The following ATG14 variants were observed in gnomAD, a reference collection of about 807,000 sequenced individuals.
ATG14 encodes the protein beclin 1-associated autophagy-related key regulator.
A neutral mutation model predicts 60.4 loss-of-function variants in ATG14; 35 were observed. The ratio of observed to expected loss-of-function variants is 0.58; its 90% CI spans 0.44 to 0.77. ATG14 has a LOEUF of 0.77. Ranked by LOEUF, ATG14 falls within the 30% of genes least tolerant of loss-of-function variation. The probability of loss-of-function intolerance (pLI) is 0.00; values close to 1 mark genes in which losing one functional copy is unlikely to be tolerated. For missense variants in ATG14, 647 were observed against 626.3 expected (o/e 1.03, Z -0.35); for synonymous variants, 234 against 228.8 (o/e 1.02, Z -0.21).
intron 1 of ATG14, 94 bp from the exon 2 acceptor site, chr14:55,397,528 T>G (rs1449463769): frequency 1.0e-6 from 1 of 998,334 alleles, no homozygotes; most frequent in Non-Finnish European, 1.6e-6. Context: ...TTCTGCAGAG[T>G]CATGTGAAAA....
intron 5 of ATG14, among the ~76,000 whole-genome samples, chr14:55,385,240 A>G (rs1426494063): frequency 6.6e-6 from 1 of 152,186 alleles, no homozygotes; most frequent in Admixed American, 6.5e-5. Flanking sequence ...CATGCCTCAC[A>G]ACACACAACT....
At chr14:55,391,139 C>T (rs1010055048) in intron 3 of ATG14, 147 bp from the exon 4 acceptor site, 29 of 572,608 alleles carry the variant, frequency 5.1e-5, no homozygotes, top group Non-Finnish European at 6.6e-5. Context: ...AACTATGGAA[C>T]ATTACGAAAA....
chr14:55,367,806 T>C lies in ATG14; in HGVS notation c.*1813A>G, dbSNP rs1043586291. ...ACTTCCTCCTTTCATGGAAAATTCA[T>C]AGAGCCAAGGAATTTGTGACTACCG... On this transcript the variant is annotated 3_prime_UTR_variant, in exon 10 of 10. Transcript: ENST00000247178. 6.6e-6 allele frequency: 1 copy of C among 151,332 alleles called. No individual in the cohort carries two copies. The highest frequency in any genetic ancestry group is 1.9e-4 in the East Asian group (1 of 5,168). 9.4% of individuals were successfully genotyped at this position (151,332 alleles called of 1,614,324 possible). A position where few individuals can be genotyped will look rare whatever the true frequency, so the allele number is the denominator to read the frequency against.
chr14:55,401,625 C>T (rs1885401059), intron 1 of ATG14, among the ~76,000 whole-genome samples: 2 of 152,144 alleles, frequency 1.3e-5, no homozygotes, highest in Admixed American at 1.3e-4. Context: ...TTCATAAATT[C>T]TTCCATACTT....
At chr14:55,379,959 G>T (rs1184633120) in intron 7 of ATG14, among the ~76,000 whole-genome samples, 1 of 152,116 alleles carries the variant, frequency 6.6e-6, no homozygotes, top group Non-Finnish European at 1.5e-5. Flanking sequence ...CAAACAAAAA[G>T]AATTCAGGGC....
At chr14:55,404,787 C>T (rs546353633) in intron 1 of ATG14, among the ~76,000 whole-genome samples, 10 of 152,256 alleles carry the variant, frequency 6.6e-5, no homozygotes, top group African/African-American at 2.4e-4. Flanking sequence ...TACTGTTATA[C>T]ACACACATGC....
At chr14:55,383,793 C>G (rs567860500) in intron 5 of ATG14, among the ~76,000 whole-genome samples, 1 of 152,208 alleles carries the variant, frequency 6.6e-6, no homozygotes, top group South Asian at 2.1e-4. Context: ...CATGAGAAGT[C>G]ACAGCAGGTA....
intron 9 of ATG14, among the ~76,000 whole-genome samples, chr14:55,375,490 ATTTTTTTTTTTTT>A (rs779634897): frequency 8.5e-6 from 1 of 117,798 alleles, no homozygotes; most frequent in Non-Finnish European, 1.7e-5. Context: ...GCCGGGCTAA[ATTTTTTTTTTTTT>A]TTTTTTTTTT....
At chr14:55,382,935 C>A (rs1376369622) in intron 5 of ATG14, among the ~76,000 whole-genome samples, 1 of 152,200 alleles carries the variant, frequency 6.6e-6, no homozygotes, top group African/African-American at 2.4e-5. Flanking sequence ...ACCTATTATA[C>A]ATTTTTATGA....
intron 1 of ATG14, among the ~76,000 whole-genome samples, chr14:55,398,824 T>C (rs1245086185): frequency 6.6e-6 from 1 of 151,844 alleles, no homozygotes; most frequent in African/African-American, 2.4e-5. Context: ...GTGCCTAAGA[T>C]GTGGCTTGCT....
In ATG14 at chr14:55,380,655, C is replaced by A. The variant is rs1366533936; in HGVS notation, c.913G>T (p.Ala305Ser). The change falls in exon 7 of 10, where the codon GCT (alanine) becomes TCT (serine). Residue 305 changes from alanine (A) to serine (S), a missense_variant. By Grantham distance (99) the Ala-to-Ser change is moderately conservative. Coordinates refer to ENST00000247178, the MANE Select transcript of ATG14 (RefSeq NM_014924.5). ...EQSNPAYTIS[A>S]ALCYATQLVN... Reference sequence around the variant, plus strand: ...AGCTGAGTTGCATAGCACAGCGCAGCACTGATGGTGTAGGCAGGGTTACTC... The same window carrying A: ...AGCTGAGTTGCATAGCACAGCGCAGAACTGATGGTGTAGGCAGGGTTACTC... 1.9e-6 allele frequency: 3 copies of A among 1,612,174 alleles called. No homozygotes were observed. The highest frequency in any genetic ancestry group is 3.3e-5 in the Admixed American group (2 of 59,708).
intron 6 of ATG14, 79 bp from the exon 7 acceptor site, chr14:55,380,769 T>G: frequency 1.0e-6 from 1 of 967,172 alleles, no homozygotes; most frequent in South Asian, 1.6e-5. Flanking sequence ...TTATCATTTA[T>G]GATTTTATCA....
intron 6 of ATG14, among the ~76,000 whole-genome samples, chr14:55,381,145 A>G (rs966364825): frequency 6.6e-6 from 1 of 151,940 alleles, no homozygotes; most frequent in Non-Finnish European, 1.5e-5. Flanking sequence ...TCGATCATTT[A>G]CTTGCTTCCT....
Position 55,386,115 on chromosome 14 carries a change from AC to A in ATG14, c.410-20del, listed in dbSNP as rs1483428517. ...TCAGAATCTAAAATAAATAAATCAC[AC>A]CCAACAATTATCTCTGCAAACAGTT... On this transcript the variant is annotated intron_variant, in intron 4 of 9. Coordinates refer to ENST00000247178, the MANE Select transcript of ATG14 (RefSeq NM_014924.5). The A allele has an allele frequency of 6.3e-7, 1 of 1,586,262 alleles. No homozygotes were observed. Among genetic ancestry groups the A allele is most frequent in the East Asian group, 2.2e-5 (1 of 44,626 alleles).
At chr14:55,389,988 G>A (rs1274987494) in intron 4 of ATG14, among the ~76,000 whole-genome samples, 2 of 152,050 alleles carry the variant, frequency 1.3e-5, no homozygotes, top group Admixed American at 6.5e-5. Flanking sequence ...TGTGCTTCTG[G>A]CATGGGCCAA....
At position 55,380,114 on chromosome 14, in the gene ATG14, C is replaced by T. The variant is rs1419756859; in HGVS notation, c.995+459G>A. Among the ~76,000 whole-genome samples the T allele has an allele frequency of 9.2e-5, 14 of 151,836 alleles. No homozygotes were observed. The South Asian group carries it at 2.7e-3, about 29-fold the overall frequency. On this transcript the variant is annotated intron_variant, in intron 7 of 9. Transcript: ENST00000247178. ...AATACAAAAATTAGCCAGGCGTGGTCGTGGGTGCCTGTAATCCCAGCTACA... is the reference window on the plus strand; with the variant it reads ...AATACAAAAATTAGCCAGGCGTGGTTGTGGGTGCCTGTAATCCCAGCTACA...
rs138961218 is a variant in ATG14, at chr14:55,386,177, G to A, written c.410-81C>T. ...GCAGAGCTCCACCCCACAAACATGC[G>A]TGTTTTCCCTTGCAATCTAAACTGA... On this transcript the variant is annotated intron_variant, in intron 4 of 9. Coordinates refer to ENST00000247178, the MANE Select transcript of ATG14 (RefSeq NM_014924.5). 149 of 1,206,054 alleles carry A rather than the reference G, an allele frequency of 1.2e-4. 1 individual carries two copies. In the East Asian group the frequency reaches 2.3e-3, roughly 18 times the overall value. 74.7% of individuals were successfully genotyped at this position (1,206,054 alleles called of 1,614,324 possible).
chr14:55,374,109 A>G (rs552487857), intron 9 of ATG14, among the ~76,000 whole-genome samples: 14 of 152,232 alleles, frequency 9.2e-5, no homozygotes, highest in Non-Finnish European at 1.0e-4. Flanking sequence ...TTTTTCCCTC[A>G]ACTACCAGCA....
At chr14:55,405,392 A>G (rs1885472408) in intron 1 of ATG14, among the ~76,000 whole-genome samples, 1 of 152,176 alleles carries the variant, frequency 6.6e-6, no homozygotes, top group Non-Finnish European at 1.5e-5. Context: ...TCCTGGCAAA[A>G]GTATAATCAT....
Sources: allele counts gnomAD v4.1 joint callset (sites outside exome capture counted in the v4.1 genomes callset), GRCh38; gene constraint gnomAD v4.1.1; transcripts MANE v1.5; gene names NCBI Gene and HGNC (gene_info 2026-07-23, HGNC 2026-07-21).